The following FUT8 variants were observed in gnomAD, a reference collection of about 807,000 sequenced individuals.
The protein encoded by FUT8 is fucosyltransferase 8.
In FUT8, 29 loss-of-function variants were observed where a neutral mutation model predicts 71.3. The ratio of observed to expected loss-of-function variants is 0.41; its 90% confidence interval spans 0.30 to 0.55. The LOEUF (loss-of-function observed/expected upper bound fraction) is 0.55, where lower values mean the gene tolerates loss of function less well. FUT8 is among the 20% of genes least tolerant of loss of function. The pLI is 0.34. For missense variants in FUT8, 544 were observed against 702.1 expected, an observed-to-expected ratio of 0.77 and a Z score of 2.55; for synonymous variants, 254 against 239.3, an observed-to-expected ratio of 1.06 and a Z score of -0.57.
chr14:65,499,459 G>T (rs994103714), intron 2 of FUT8, among the ~76,000 whole-genome samples: 1 of 151,360 alleles, frequency 6.6e-6, no homozygotes, highest in Non-Finnish European at 1.5e-5. Flanking sequence ...ATCTTATTTT[G>T]CCATAACTAA....
At chr14:65,664,794 T>C (rs1224072998) in intron 6 of FUT8, among the ~76,000 whole-genome samples, 2 of 152,146 alleles carry the variant, frequency 1.3e-5, no homozygotes, top group Non-Finnish European at 2.9e-5. Flanking sequence ...ACTGGTTACA[T>C]TGCCTCTTGC....
At chr14:65,486,395 A>AACAG (rs2066410011) in intron 2 of FUT8, among the ~76,000 whole-genome samples, 1 of 152,240 alleles carries the variant, frequency 6.6e-6, no homozygotes, top group Non-Finnish European at 1.5e-5. Flanking sequence ...TTAGGAGTAC[A>AACAG]ATTGTTTTAA....
At chr14:65,683,530 A>G (rs1893137720) in intron 7 of FUT8, among the ~76,000 whole-genome samples, 1 of 152,170 alleles carries the variant, frequency 6.6e-6, no homozygotes. Flanking sequence ...CAAAAATATA[A>G]TAACACTGCC....
intron 2 of FUT8, among the ~76,000 whole-genome samples, chr14:65,474,722 T>C (rs1172993636): frequency 1.3e-5 from 2 of 152,204 alleles, no homozygotes; most frequent in South Asian, 2.1e-4. Flanking sequence ...TTTGCCAAGA[T>C]TGAAAAATAA....
chr14:65,437,656 G>A (rs2065581736), intron 1 of FUT8, among the ~76,000 whole-genome samples: 2 of 152,124 alleles, frequency 1.3e-5, no homozygotes, highest in Non-Finnish European at 2.9e-5. Flanking sequence ...GAATATTTGA[G>A]GTCCCAGAGT....
the FUT8 span, among the ~76,000 whole-genome samples, chr14:65,397,454 A>G: frequency 1.3e-5 from 2 of 152,196 alleles, no homozygotes; most frequent in Admixed American, 6.5e-5. This position sits in a 1 kb window ranked among gnomAD's most constrained non-coding sequence, Gnocchi z 4.2. Flanking sequence ...AAATTTTCCA[A>G]CACAACCAGG....
the FUT8 span, among the ~76,000 whole-genome samples, chr14:65,391,450 G>T: frequency 6.6e-6 from 1 of 152,104 alleles, no homozygotes; most frequent in Non-Finnish European, 1.5e-5. Flanking sequence ...CTGCCCCCCA[G>T]GTTCAAGCGA....
At chr14:65,412,091 C>T (rs553999657), upstream of FUT8, 2 of 456,640 alleles carry the variant, frequency 4.4e-6, no homozygotes, top group South Asian at 3.1e-5. Flanking sequence ...GTCGCAGCCG[C>T]GGGTCGGGAG....
the FUT8 span, among the ~76,000 whole-genome samples, chr14:65,374,726 C>G: frequency 1.3e-5 from 2 of 151,906 alleles, no homozygotes; most frequent in African/African-American, 2.4e-5. Context: ...TCCCAAGTAG[C>G]TGGGACTACA....
intron 3 of FUT8, among the ~76,000 whole-genome samples, chr14:65,609,746 C>T (rs1435214105): frequency 6.6e-6 from 1 of 151,660 alleles, no homozygotes. Flanking sequence ...ATTCAAACAC[C>T]AACTCAAGCC....
intron 7 of FUT8, among the ~76,000 whole-genome samples, chr14:65,704,754 T>A (rs1269050487): frequency 6.6e-6 from 1 of 152,210 alleles, no homozygotes; most frequent in African/African-American, 2.4e-5. Context: ...TCAGGGAGCC[T>A]TCTGTTTAGT....
chr14:65,481,593 T>G (rs2066331586), intron 2 of FUT8, among the ~76,000 whole-genome samples: 1 of 152,112 alleles, frequency 6.6e-6, no homozygotes. Context: ...CTTGCCCCCT[T>G]GTAATCTTTT....
At chr14:65,427,635 C>T (rs1294620316) in intron 1 of FUT8, among the ~76,000 whole-genome samples, 1 of 152,054 alleles carries the variant, frequency 6.6e-6, no homozygotes, top group Non-Finnish European at 1.5e-5. Context: ...TGTTTTCTTG[C>T]TATTGAGTTG....
chr14:65,680,532 G>A (rs1892989223), intron 7 of FUT8, among the ~76,000 whole-genome samples: 1 of 152,056 alleles, frequency 6.6e-6, no homozygotes, highest in Admixed American at 6.6e-5. Flanking sequence ...TCTCCATCCT[G>A]TTCAGCTGCT....
At chr14:65,721,539 T>A (rs1216434240) in intron 7 of FUT8, among the ~76,000 whole-genome samples, 1 of 152,232 alleles carries the variant, frequency 6.6e-6, no homozygotes, top group Non-Finnish European at 1.5e-5. Context: ...CATGTTATGA[T>A]AGAAACTTTT....
chr14:65,427,266 A>G (rs984135096), intron 1 of FUT8, among the ~76,000 whole-genome samples: 3 of 152,034 alleles, frequency 2.0e-5, no homozygotes, highest in African/African-American at 7.2e-5. Context: ...GAGTGCAGAT[A>G]CCTCCTTGAC....
At chr14:65,602,345 A>T (rs541153507) in intron 3 of FUT8, among the ~76,000 whole-genome samples, 226 of 3,458 alleles carry the variant, frequency 0.065, 5 homozygotes, top group Admixed American at 0.21. Flanking sequence ...TCCATCTCTC[A>T]CACACACACA....
intron 2 of FUT8, among the ~76,000 whole-genome samples, chr14:65,523,233 C>T (rs1353478160): frequency 6.6e-6 from 1 of 152,176 alleles, no homozygotes; most frequent in Non-Finnish European, 1.5e-5. Context: ...TCTCCAGCAC[C>T]TGTTGTTTCC....
intron 2 of FUT8, among the ~76,000 whole-genome samples, chr14:65,501,915 T>C (rs2066651136): frequency 6.6e-6 from 1 of 151,518 alleles, no homozygotes; most frequent in Non-Finnish European, 1.5e-5. Context: ...TTCTTTTCTT[T>C]CTTTTTTTTT....
Sources: gnomAD v4.1 joint callset for allele counts (sites outside exome capture counted in the v4.1 genomes callset) on GRCh38, gnomAD v4.1.1 for gene constraint, Gnocchi (gnomAD v3.1) non-coding constraint, MANE v1.5 for transcripts, NCBI Gene and HGNC (gene_info 2026-07-23, HGNC 2026-07-21) for gene names.